MCF2: variants seen among roughly 807,000 people sequenced by gnomAD.
MCF2 encodes the protein proto-oncogene DBL.
In MCF2, 44 loss-of-function variants were observed where a neutral mutation model predicts 82.5. The ratio of observed to expected loss-of-function variants is 0.53; its 90% confidence interval spans 0.42 to 0.69. The LOEUF is 0.69. Ranked by LOEUF, MCF2 falls within the 30% of genes least tolerant of loss-of-function variation. MCF2 has a pLI of 0.00. For synonymous variants in MCF2, 217 were observed against 224.9 expected, an observed-to-expected ratio of 0.96 and a Z score of 0.32; for missense variants, 623 against 663.1, an observed-to-expected ratio of 0.94 and a Z score of 0.66.
At chrX:139,621,162 T>A (rs1932324125) in intron 6 of MCF2, among the ~76,000 whole-genome samples, 1 of 111,457 alleles carries the variant, frequency 9.0e-6, no homozygotes, top group African/African-American at 3.3e-5. Flanking sequence ...AGAGTGAAAC[T>A]GGACCCCTAC....
At chrX:139,661,698 T>C (rs1934359122) in intron 1 of MCF2, among the ~76,000 whole-genome samples, 1 of 111,790 alleles carries the variant, frequency 8.9e-6, no homozygotes, top group African/African-American at 3.3e-5. Context: ...CTGAATGCCA[T>C]CATCACATTT....
chrX:139,605,373 A>G (rs1930909556), intron 13 of MCF2, among the ~76,000 whole-genome samples: 1 of 111,519 alleles, frequency 9.0e-6, no homozygotes, highest in Non-Finnish European at 1.9e-5. Context: ...TAATATCATG[A>G]CATTTTTGTC....
At chrX:139,673,473 A>G (rs1265919831) in intron 1 of MCF2, among the ~76,000 whole-genome samples, 2 of 111,942 alleles carry the variant, frequency 1.8e-5, no homozygotes, top group East Asian at 2.8e-4. Context: ...ATTTCCCTCT[A>G]CACACTGCTT....
chrX:139,707,006 G>A (rs915350538), intron 1 of MCF2, among the ~76,000 whole-genome samples: 2 of 110,392 alleles, frequency 1.8e-5, no homozygotes, highest in Non-Finnish European at 3.8e-5. Flanking sequence ...AATGAATCTA[G>A]GAAATAATGA....
chrX:139,612,195 G>A (rs866364086), intron 10 of MCF2, among the ~76,000 whole-genome samples: 1 of 110,746 alleles, frequency 9.0e-6, no homozygotes, highest in Non-Finnish European at 1.9e-5. Flanking sequence ...AGGAACCAAG[G>A]TCCCAGGCTT....
chrX:139,588,753 C>CTAATAA (rs1491154381), intron 20 of MCF2, among the ~76,000 whole-genome samples: 1 of 106,984 alleles, frequency 9.3e-6, no homozygotes, highest in Non-Finnish European at 1.9e-5. Flanking sequence ...TCTACTACTA[C>CTAATAA]TACTACTACT....
At chrX:139,695,934 T>C (rs1935370986) in intron 1 of MCF2, among the ~76,000 whole-genome samples, 1 of 111,965 alleles carries the variant, frequency 8.9e-6, no homozygotes, top group Non-Finnish European at 1.9e-5. Context: ...CCAACCCTTA[T>C]TGGAAAGAAC....
At chrX:139,596,448 C>T (rs1373549425) in intron 19 of MCF2, 101 bp downstream of exon 23, 4 of 569,080 alleles carry the variant, frequency 7.0e-6, no homozygotes, top group Admixed American at 3.5e-5. Context: ...AGATGTGCAG[C>T]GAAAGTATAA....
At chrX:139,598,589 A>G (rs1169799402) in intron 16 of MCF2, 91 bp from the exon 21 acceptor site, 11 of 439,320 alleles carry the variant, frequency 2.5e-5, no homozygotes, top group African/African-American at 1.0e-4. Context: ...TAATGCCCCA[A>G]TGTTTCTTAC....
At chrX:139,657,764 C>T (rs1376314049) in intron 1 of MCF2, among the ~76,000 whole-genome samples, 1 of 111,318 alleles carries the variant, frequency 9.0e-6, no homozygotes, top group African/African-American at 3.3e-5. Flanking sequence ...GTTTATTGGT[C>T]GGTTGGTTGT....
chrX:139,582,074 T>G (rs991568068), exon 25 of MCF2: 2 of 192,177 alleles, frequency 1.0e-5, no homozygotes, highest in African/African-American at 6.2e-5. Context: ...AAAAGCATAT[T>G]AAATCATAAT....
chrX:139,635,622 A>G (rs1345951540), intron 1 of MCF2, among the ~76,000 whole-genome samples: 1 of 110,552 alleles, frequency 9.0e-6, no homozygotes, highest in African/African-American at 3.3e-5. Flanking sequence ...ATGCCACTGC[A>G]CTCCAGCCTG....
chrX:139,607,795 TA>T lies in MCF2; in HGVS notation c.1402-17del. 8.8e-7 allele frequency: 1 copy of T among 1,131,676 alleles called. No individual in the cohort carries two copies. Among genetic ancestry groups the T allele is most frequent in the Non-Finnish European group, 1.2e-6 (1 of 825,767 alleles). The allele number at this position is 1,131,676 out of a possible 1,213,427, so 93.3% of individuals were successfully genotyped here. On this transcript the variant is annotated splice_polypyrimidine_tract_variant and intron_variant, in intron 11 of 24. Transcript: ENST00000370576. Reference sequence around the variant, plus strand: ...CCACTTCAATCTGAAATACAGAAAATAAAAGTTAAATTAGCACCTCTGTAGG... The same window carrying T: ...CCACTTCAATCTGAAATACAGAAAATAAAGTTAAATTAGCACCTCTGTAGG...
chrX:139,693,104 C>T (rs1402128253), intron 1 of MCF2, among the ~76,000 whole-genome samples: 2 of 111,069 alleles, frequency 1.8e-5, no homozygotes, highest in African/African-American at 3.3e-5. Flanking sequence ...GGGACTGGGC[C>T]GAGGGAAGAT....
At chrX:139,604,155 C>T (rs1460193163) in intron 15 of MCF2, among the ~76,000 whole-genome samples, 1 of 111,190 alleles carries the variant, frequency 9.0e-6, no homozygotes, top group African/African-American at 3.3e-5. Context: ...AGGAATGGGC[C>T]TCCCTAAATG....
exon 25 of MCF2, chrX:139,582,306 A>G (rs1465511330): frequency 1.9e-6 from 1 of 518,365 alleles, no homozygotes; most frequent in Non-Finnish European, 3.4e-6. Flanking sequence ...TAAAAGCTTT[A>G]TTAAATGAAA....
chrX:139,641,575 T>C (rs974622916), intron 1 of MCF2, among the ~76,000 whole-genome samples: 1 of 111,438 alleles, frequency 9.0e-6, no homozygotes, highest in Non-Finnish European at 1.9e-5. Context: ...TTTACCTTCT[T>C]ATCTGTGTGT....
intron 1 of MCF2, among the ~76,000 whole-genome samples, chrX:139,637,975 G>C (rs772973945): frequency 9.0e-6 from 1 of 111,417 alleles, no homozygotes; most frequent in South Asian, 3.8e-4. Context: ...CTGCAAGCTA[G>C]AAAAGTCAAA....
chrX:139,620,495 G>C (rs1932269691), intron 6 of MCF2, among the ~76,000 whole-genome samples: 1 of 111,285 alleles, frequency 9.0e-6, no homozygotes, highest in African/African-American at 3.3e-5. Flanking sequence ...TCCTAGAATT[G>C]ATAAACAACT....
Sources: gnomAD v4.1 joint callset for allele counts (sites outside exome capture counted in the v4.1 genomes callset) on GRCh38, gnomAD v4.1.1 for gene constraint, MANE v1.5 for transcripts, NCBI Gene and HGNC (gene_info 2026-07-23, HGNC 2026-07-21) for gene names.